PLCH1: variants seen among roughly 807,000 people sequenced by gnomAD.
PLCH1 encodes 1-phosphatidylinositol 4,5-bisphosphate phosphodiesterase eta-1.
A neutral mutation model predicts 126.7 loss-of-function variants in PLCH1; 60 were observed. The ratio of observed to expected loss-of-function variants is 0.47; its 90% confidence interval spans 0.38 to 0.59. The LOEUF (loss-of-function observed/expected upper bound fraction) is 0.59, where lower values mean the gene tolerates loss of function less well. PLCH1 is among the 20% of genes least tolerant of loss of function. The pLI, the probability that PLCH1 is intolerant of heterozygous loss-of-function variation, is 0.00. For synonymous variants in PLCH1, 719 were observed against 734.9 expected, an observed-to-expected ratio of 0.98 and a Z score of 0.35; for missense variants, 1,723 against 2,040.0, an observed-to-expected ratio of 0.84 and a Z score of 2.99.
chr3:155,506,264 A>G (rs1268211730), intron 12 of PLCH1, among the ~76,000 whole-genome samples: 1 of 152,118 alleles, frequency 6.6e-6, no homozygotes, highest in African/African-American at 2.4e-5. Context: ...TGTTGGTGAT[A>G]AAACAGGATT....
chr3:155,724,489 A>G (rs1322308522), intron 1 of PLCH1, among the ~76,000 whole-genome samples: 3 of 152,168 alleles, frequency 2.0e-5, no homozygotes, highest in Non-Finnish European at 1.5e-5. Flanking sequence ...TTATCATTGT[A>G]TAATGTCCCT....
At chr3:155,732,067 G>GA (rs1275682783) in intron 1 of PLCH1, among the ~76,000 whole-genome samples, 1 of 137,188 alleles carries the variant, frequency 7.3e-6, no homozygotes, top group Non-Finnish European at 1.6e-5. Flanking sequence ...CAACTCTAAA[G>GA]AAAAAAAAGA....
intron 21 of PLCH1, among the ~76,000 whole-genome samples, chr3:155,469,829 A>T (rs916077087): frequency 9.4e-4 from 143 of 152,186 alleles, no homozygotes; most frequent in African/African-American, 3.3e-3. Flanking sequence ...GACACCTCAC[A>T]CGGCAGGGTA....
intron 10 of PLCH1, among the ~76,000 whole-genome samples, chr3:155,529,244 G>T (rs1157075394): frequency 6.6e-6 from 1 of 152,172 alleles, no homozygotes; most frequent in Non-Finnish European, 1.5e-5. Context: ...CTGGAAGCAT[G>T]GTCACTTCTC....
chr3:155,543,958 G>A (rs1724801295), intron 10 of PLCH1, among the ~76,000 whole-genome samples: 1 of 151,896 alleles, frequency 6.6e-6, no homozygotes, highest in Non-Finnish European at 1.5e-5. Context: ...AGACCATCGA[G>A]GCTAGGAAGA....
chr3:155,586,409 G>C (rs1009611903), intron 4 of PLCH1, among the ~76,000 whole-genome samples: 3 of 152,140 alleles, frequency 2.0e-5, no homozygotes, highest in African/African-American at 4.8e-5. Flanking sequence ...CACATAAAGG[G>C]GGTAAGGGGG....
chr3:155,542,138 A>C (rs2108395006), intron 10 of PLCH1, among the ~76,000 whole-genome samples: 1 of 152,336 alleles, frequency 6.6e-6, no homozygotes, highest in South Asian at 2.1e-4. Flanking sequence ...CAGTCAAAGA[A>C]AGGGGTGACA....
intron 4 of PLCH1, among the ~76,000 whole-genome samples, chr3:155,587,401 T>C (rs775016637): frequency 2.0e-5 from 3 of 152,186 alleles, no homozygotes; most frequent in Non-Finnish European, 2.9e-5. Context: ...GATAAGGACA[T>C]AAAATGAGAG....
intron 1 of PLCH1, among the ~76,000 whole-genome samples, chr3:155,716,935 C>T (rs1359521577): frequency 2.6e-5 from 4 of 152,234 alleles, no homozygotes; most frequent in African/African-American, 9.6e-5. Context: ...GTTCCTTCCA[C>T]CTATGAGCCT....
chr3:155,492,819 A>C lies in PLCH1; in HGVS notation c.2217T>G (p.Pro739=), dbSNP rs1716439056. ...TFNPFSGDPL[P]ANPKKQLILK... is the part of the protein sequence containing the mutation. Reference sequence around the variant, plus strand: ...GGATGAGCTGCTTTTTGGGGTTGGCAGGAAGAGGGTCACCAGAGAAAGGGT... The same window carrying C: ...GGATGAGCTGCTTTTTGGGGTTGGCCGGAAGAGGGTCACCAGAGAAAGGGT... Residue 739 remains proline (P), a synonymous_variant, in exon 18 of 23, where the codon CCT becomes CCG. Transcript: ENST00000460012. The C allele has an allele frequency of 6.2e-7, 1 of 1,604,320 alleles. No individual in the cohort carries two copies. The highest frequency in any genetic ancestry group is 8.5e-7 in the Non-Finnish European group (1 of 1,175,960).
At position 155,678,746 on chromosome 3, in the gene PLCH1, C is replaced by A. The variant is rs753261371; in HGVS notation, c.79+25400G>T. Among the ~76,000 whole-genome samples, 12 of 152,284 alleles carry A rather than the reference C, an allele frequency of 7.9e-5. No individual in the cohort carries two copies. The East Asian group carries it at 2.3e-3, about 29-fold the overall frequency. ...AGAATCTTTAATTTCTTAACTGGAA[C>A]CCTCATTTGAAAAGTCTGGGCCTTT... On this transcript the variant is annotated intron_variant, in intron 2 of 22. Transcript: ENST00000460012.
In PLCH1 at chr3:155,481,246, G is replaced by T; in HGVS notation, c.4780C>A (p.Gln1594Lys). The change falls in exon 23 of 23, where the codon CAG (glutamine) becomes AAG (lysine). Residue 1594 changes from glutamine (Q) to lysine (K), a missense_variant. Physicochemically the swap from Gln to Lys is moderately conservative, Grantham distance 53. Around this residue, in one of 2 missense-constraint regions of PLCH1, gnomAD observed 947 missense variants for 977.1 expected, o/e 0.97. Coordinates refer to ENST00000460012, the MANE Select transcript of PLCH1 (RefSeq NM_014996.4). This position sits in a 1 kb window ranked among gnomAD's most constrained non-coding sequence, Gnocchi z 4.2. ...CCATTGCTGGGGTTTGGAACTTTCT[G>T]CTTGTTGGCTTCCTGTTTCTCCTTG... ...RAKEKQEANK[Q>K]KVPNPSNGAG... 1 of 1,614,206 alleles carries T rather than the reference G, an allele frequency of 6.2e-7. No individual in the cohort carries two copies. The highest frequency in any genetic ancestry group is 8.5e-7 in the Non-Finnish European group (1 of 1,180,038).
chr3:155,594,134 A>G lies in PLCH1; in HGVS notation c.277T>C (p.Phe93Leu). ...AAGTTCCCCTCAGCTTGTCTGTGGA[A>G]TATTTCAGACTGCCGGCCCTCAGTC... ...KVTEGRQSEI[F>L]HRQAEGNFDP... The change falls in exon 4 of 23, where the codon TTC becomes CTC. Residue 93 changes from phenylalanine to leucine, a missense_variant. Transcript: ENST00000460012. 6.2e-7 allele frequency: 1 copy of G among 1,614,110 alleles called. No individual in the cohort carries two copies. Among genetic ancestry groups the G allele is most frequent in the Middle Eastern group, 1.7e-4 (1 of 6,056 alleles).
In PLCH1 at chr3:155,589,854, A is replaced by T. The variant is rs117118779; in HGVS notation, c.471-3660T>A. On this transcript the variant is annotated intron_variant, in intron 4 of 22. Coordinates refer to ENST00000460012, the MANE Select transcript of PLCH1 (RefSeq NM_014996.4). ...CTAGGCAGTGTTCTAAGGACTATAT[A>T]TAATCAACTGATCTTAACACACCTC... is the stretch of plus-strand genomic sequence containing the variant. Among the ~76,000 whole-genome samples, 182 of 152,348 alleles carry T rather than the reference A, an allele frequency of 1.2e-3. 3 individuals carry two copies. In the East Asian group the frequency reaches 0.032, roughly 27 times the overall value.
At chr3:155,655,480 G>A (rs1195260822) in intron 2 of PLCH1, among the ~76,000 whole-genome samples, 2 of 151,544 alleles carry the variant, frequency 1.3e-5, no homozygotes, top group Non-Finnish European at 2.9e-5. Flanking sequence ...CCCTTTAGTC[G>A]CTATTTGTGT....
intron 21 of PLCH1, among the ~76,000 whole-genome samples, chr3:155,471,194 G>C (rs1351351039): frequency 1.3e-5 from 2 of 152,136 alleles, no homozygotes; most frequent in African/African-American, 4.8e-5. Context: ...CTCACGTGCA[G>C]ACACACACAT....
rs1010577986 is a variant in PLCH1, at chr3:155,693,070, G to A, written c.79+11076C>T. ...GTGCTGGGATTACAGGCGTGCGCCC[G>A]GCCTAATCATCAGCATTTTTTAAAA... On this transcript the variant is annotated intron_variant, in intron 2 of 22. Coordinates refer to ENST00000460012, the MANE Select transcript of PLCH1 (RefSeq NM_014996.4). Among the ~76,000 whole-genome samples the A allele has an allele frequency of 4.6e-5, 7 of 151,866 alleles. No homozygotes were observed. The East Asian group carries it at 1.4e-3, about 29-fold the overall frequency.
At chr3:155,726,608 C>A (rs1482690711) in intron 1 of PLCH1, among the ~76,000 whole-genome samples, 1 of 151,922 alleles carries the variant, frequency 6.6e-6, no homozygotes, top group Non-Finnish European at 1.5e-5. Flanking sequence ...CTTGAAAATT[C>A]TCAGCCATTA....
At chr3:155,546,275 C>A (rs375242502) in intron 10 of PLCH1, among the ~76,000 whole-genome samples, 2,671 of 152,068 alleles carry the variant, frequency 0.018, 37 homozygotes, top group Non-Finnish European at 0.029. Context: ...TCATGAGTGA[C>A]CTCCCATTCA....
Sources: allele counts gnomAD v4.1 joint callset (sites outside exome capture counted in the v4.1 genomes callset), GRCh38; gene constraint gnomAD v4.1.1; regional missense constraint gnomAD v4.1.1; non-coding constraint Gnocchi (gnomAD v3.1); transcripts MANE v1.5; gene names NCBI Gene and HGNC (gene_info 2026-07-23, HGNC 2026-07-21).